ARHGEF40: variants seen among roughly 807,000 people sequenced by gnomAD.
ARHGEF40 encodes the protein Rho guanine nucleotide exchange factor 40.
Under a neutral mutation model 165.9 loss-of-function variants are expected in ARHGEF40, and 98 were observed. The observed-to-expected ratio is 0.59, with a 90% CI of 0.50 to 0.70. The LOEUF (loss-of-function observed/expected upper bound fraction) is 0.70. Among genes scored for constraint, ARHGEF40 ranks in the 30% least tolerant of loss-of-function variants. The pLI, the probability that ARHGEF40 is intolerant of heterozygous loss-of-function variation, is 0.00. For synonymous variants in ARHGEF40, 792 were observed against 814.3 expected (o/e 0.97, Z 0.47); for missense variants, 1,815 against 1,968.0 (o/e 0.92, Z 1.47).
At chr14:21,064,153 C>T in the ARHGEF40 span, among the ~76,000 whole-genome samples, 18,800 of 152,116 alleles carry the variant, frequency 0.12, 1,491 homozygotes, top group Admixed American at 0.2. Flanking sequence ...TAAAATATGT[C>T]GAATGGGAAT....
At position 21,076,604 on chromosome 14, in the gene ARHGEF40, C is replaced by G. The variant is rs1887440942; in HGVS notation, c.1878C>G (p.Leu626=). The change falls in exon 7 of 24, where the codon CTC becomes CTG. Residue 626 remains leucine, a synonymous_variant. Transcript: ENST00000298694. ...DPPLVQRLLI[L]IHDDLPTELC... ...CCCTTGTTCAGCGGCTGCTGATTCT[C>G]ATTCATGATGACCTTCCAACTGAAC... 3.1e-6 allele frequency: 5 copies of G among 1,614,124 alleles called. No homozygotes were observed. The East Asian group carries it at 1.1e-4, about 36-fold the overall frequency.
chr14:21,074,315 A>G lies in ARHGEF40; in HGVS notation c.585A>G (p.Gly195=). 1 of 1,614,140 alleles carries G rather than the reference A, an allele frequency of 6.2e-7. No homozygotes were observed. The change falls in exon 3 of 24, where the codon GGA becomes GGG. Residue 195 remains glycine (G), a synonymous_variant. Coordinates refer to ENST00000298694, the MANE Select transcript of ARHGEF40 (RefSeq NM_018071.5). The surrounding 1 kb of genome is among the most constrained non-coding windows in gnomAD (Gnocchi z 4.8). ...RFVHKEGLMV[G]HQPSTLPPEL... ...TGCACAAAGAGGGCCTCATGGTTGG[A>G]CATCAGCCAAGTACACTGCCCCCAG...
In ARHGEF40 at chr14:21,075,111, G is replaced by T; in HGVS notation, c.1381G>T (p.Ala461Ser). ...AGEKEPQLSE[A>S]CGPTEEGAGE... ...CGAGAAAGAGCCTCAGCTCTCTGAA[G>T]CCTGTGGGCCTACAGAAGAGGGGGC... Residue 461 changes from alanine to serine, a missense_variant, in exon 3 of 24, where the codon GCC (alanine) becomes TCC (serine). Transcript: ENST00000298694. The surrounding 1 kb of genome is among the most constrained non-coding windows in gnomAD (Gnocchi z 4.5). 6.2e-7 allele frequency: 1 copy of T among 1,613,864 alleles called. No individual in the cohort carries two copies. Among genetic ancestry groups the T allele is most frequent in the Non-Finnish European group, 8.5e-7 (1 of 1,179,992 alleles).
chr14:21,073,008 A>G lies in ARHGEF40; in HGVS notation c.4-37A>G. The stretch of plus-strand genomic sequence containing the variant: ...GCTCCCAAGGAGCCATGATTGGGTG[A>G]TCTCTAGGGATCTGTAGCCTGGTCC... On this transcript the variant is annotated intron_variant, in intron 1 of 23. Coordinates refer to ENST00000298694, the MANE Select transcript of ARHGEF40 (RefSeq NM_018071.5). This position sits in a 1 kb window ranked among gnomAD's most constrained non-coding sequence, Gnocchi z 4.6. 6.3e-7 allele frequency: 1 copy of G among 1,590,252 alleles called. No individual in the cohort carries two copies.
At chr14:21,086,917 A>T in intron 19 of ARHGEF40, 84 bp from the exon 20 acceptor site, 1 of 1,187,158 alleles carries the variant, frequency 8.4e-7, no homozygotes, top group Non-Finnish European at 1.2e-6. Context: ...GAAAAAAAAA[A>T]AAAAAGAAAA....
Position 21,074,239 on chromosome 14 carries a change from C to T in ARHGEF40, c.509C>T (p.Pro170Leu), listed in dbSNP as rs1292639145. 1.2e-6 allele frequency: 2 copies of T among 1,614,152 alleles called. No individual in the cohort carries two copies. The highest frequency in any genetic ancestry group is 1.7e-6 in the Non-Finnish European group (2 of 1,180,034). ...GRLSTCLLSA[P>L]SGIQRLPWAE... ...CTCAGTACCTGCCTACTGTCTGCGC[C>T]CTCTGGGATTCAGCGGCTGCCCTGG... is the stretch of plus-strand genomic sequence containing the variant. Residue 170 changes from proline (P) to leucine (L), a missense_variant, in exon 3 of 24, where the codon CCC becomes CTC. Coordinates refer to ENST00000298694, the MANE Select transcript of ARHGEF40 (RefSeq NM_018071.5). The surrounding 1 kb of genome is among the most constrained non-coding windows in gnomAD (Gnocchi z 4.8).
Position 21,070,492 on chromosome 14 carries a change from G to T in ARHGEF40, c.3+93G>T. The T allele has an allele frequency of 7.4e-7, 1 of 1,353,170 alleles. No homozygotes were observed. The highest frequency in any genetic ancestry group is 9.5e-7 in the Non-Finnish European group (1 of 1,048,300). 83.8% of individuals were successfully genotyped at this position (1,353,170 alleles called of 1,614,324 possible). A position where few individuals can be genotyped will look rare whatever the true frequency, so the allele number is the denominator to read the frequency against. On this transcript the variant is annotated intron_variant, in intron 1 of 23. Transcript: ENST00000298694. The surrounding 1 kb of genome is among the most constrained non-coding windows in gnomAD (Gnocchi z 4.7). ...CCTCAGCCTGGTGCCTCCCGAGCCT[G>T]CCTCGGACTGTTCGGCCCCTCTGGG...
intron 19 of ARHGEF40, chr14:21,086,723 G>A (rs895446020): frequency 1.5e-5 from 6 of 407,004 alleles, no homozygotes; most frequent in Non-Finnish European, 2.7e-5. Flanking sequence ...TAATGCCCAA[G>A]ATGCAGAGTA....
Position 21,080,657 on chromosome 14 carries a change from C to T in ARHGEF40, c.2374-3C>T, listed in dbSNP as rs1455593912. Reference sequence around the variant, plus strand: ...CCCTGCCCTCCCACCCCATCTGCCTCAGGTGTTGCAGTGGCTCTCGGGCCC... The same window carrying T: ...CCCTGCCCTCCCACCCCATCTGCCTTAGGTGTTGCAGTGGCTCTCGGGCCC... On this transcript the variant is annotated splice_region_variant and splice_polypyrimidine_tract_variant and intron_variant, in intron 11 of 23. Coordinates refer to ENST00000298694, the MANE Select transcript of ARHGEF40 (RefSeq NM_018071.5). The T allele has an allele frequency of 6.2e-7, 1 of 1,609,270 alleles. No individual in the cohort carries two copies. Among genetic ancestry groups the T allele is most frequent in the Non-Finnish European group, 8.5e-7 (1 of 1,178,504 alleles).
the ARHGEF40 span, among the ~76,000 whole-genome samples, chr14:21,062,995 G>T: frequency 6.6e-6 from 1 of 151,456 alleles, no homozygotes; most frequent in Non-Finnish European, 1.5e-5. Flanking sequence ...GTGTAGGGGT[G>T]CACACCTGCC....
chr14:21,078,840 G>C (rs776415537), intron 10 of ARHGEF40, 44 bp from the exon 11 acceptor site: 1 of 1,595,252 alleles, frequency 6.3e-7, no homozygotes, highest in African/African-American at 1.3e-5. Context: ...GAATTGAGGG[G>C]CTCAACAAGG....
chr14:21,076,289 C>G, intron 5 of ARHGEF40, 71 bp from the exon 6 acceptor site: 1 of 1,278,042 alleles, frequency 7.8e-7, no homozygotes, highest in Non-Finnish European at 1.1e-6. Context: ...CCCCGTATGT[C>G]TGCCTTGCCT....
At chr14:21,076,965 C>G in intron 8 of ARHGEF40, 75 bp downstream of exon 8, 1 of 1,310,684 alleles carries the variant, frequency 7.6e-7, no homozygotes, top group Non-Finnish European at 1.1e-6. Flanking sequence ...GGAGAGAGGC[C>G]ATGTCCAGGA....
rs374823387 is a variant in ARHGEF40, at chr14:21,078,399, G to A, written c.2157G>A (p.Leu719=). The change falls in exon 10 of 24, where the codon CTG becomes CTA. Residue 719 remains leucine (L), a synonymous_variant. Transcript: ENST00000298694. ...EEEAVGMPKP[L]QKVLADPRLT... ...AGGCAGTGGGAATGCCCAAGCCACT[G>A]CAGAAGGTGCTGGCAGATCCCCGGC... 3 of 1,610,482 alleles carry A rather than the reference G, an allele frequency of 1.9e-6. No homozygotes were observed. Among genetic ancestry groups the A allele is most frequent in the Non-Finnish European group, 2.5e-6 (3 of 1,177,842 alleles).
rs1260469574 is a variant in ARHGEF40 at position 21,078,482 on chromosome 14, G to A, written c.2240G>A (p.Ser747Asn). The change falls in exon 10 of 24, where the codon AGC becomes AAC. Residue 747 changes from serine (S) to asparagine (N), a missense_variant. Coordinates refer to ENST00000298694, the MANE Select transcript of ARHGEF40 (RefSeq NM_018071.5). ...AILMRLRSTPSSKLEGQGPAT... is the reference protein window; with the variant it reads ...AILMRLRSTPNSKLEGQGPAT... ...CTGATGAGGCTGCGCTCCACTCCCA[G>A]CAGCAAGTACGAAGTATGGGTGTGC... 4 of 1,584,122 alleles carry A rather than the reference G, an allele frequency of 2.5e-6. No individual in the cohort carries two copies. Among genetic ancestry groups the A allele is most frequent in the Non-Finnish European group, 2.6e-6 (3 of 1,163,232 alleles).
chr14:21,082,049 G>A lies in ARHGEF40; in HGVS notation c.3181G>A (p.Gly1061Ser), dbSNP rs372678325. ...TCSPREHVLLGRARGPDGPWG... is the reference protein window; with the variant it reads ...TCSPREHVLLSRARGPDGPWG... ...CTCACCACGGGAACACGTGCTGCTGGGCCGGGCTAGGGGGCCAGACGGACC... is the reference window on the plus strand; with the variant it reads ...CTCACCACGGGAACACGTGCTGCTGAGCCGGGCTAGGGGGCCAGACGGACC... The change falls in exon 14 of 24, where the codon GGC becomes AGC. Residue 1061 changes from glycine (G) to serine (S), a missense_variant. Transcript: ENST00000298694. 14 of 1,560,946 alleles carry A rather than the reference G, an allele frequency of 9.0e-6. No individual in the cohort carries two copies. Among genetic ancestry groups the A allele is most frequent in the Non-Finnish European group, 1.1e-5 (13 of 1,152,414 alleles).
At chr14:21,084,658 C>T in intron 17 of ARHGEF40, 95 bp from the exon 18 acceptor site, 1 of 1,370,254 alleles carries the variant, frequency 7.3e-7, no homozygotes, top group Non-Finnish European at 1.0e-6. Flanking sequence ...AGAACCAGTG[C>T]ATTAGGCCAC....
intron 14 of ARHGEF40, 59 bp from the exon 15 acceptor site, chr14:21,082,185 A>G (rs1037691915): frequency 3.2e-6 from 5 of 1,571,712 alleles, no homozygotes; most frequent in African/African-American, 2.7e-5. Context: ...AGAAGATGAC[A>G]TTGTTGGGGG....
intron 9 of ARHGEF40, 50 bp downstream of exon 9, chr14:21,078,322 G>A: frequency 1.2e-6 from 2 of 1,602,760 alleles, no homozygotes; most frequent in Non-Finnish European, 1.7e-6. Context: ...ATGGGGCTGG[G>A]GTGGAGACTC....
Sources: gnomAD v4.1 joint callset for allele counts (sites outside exome capture counted in the v4.1 genomes callset) on GRCh38, gnomAD v4.1.1 for gene constraint, Gnocchi (gnomAD v3.1) non-coding constraint, MANE v1.5 for transcripts, NCBI Gene and HGNC (gene_info 2026-07-23, HGNC 2026-07-21) for gene names.